The following INCENP variants were observed in gnomAD, a reference collection of about 807,000 sequenced individuals.
INCENP encodes the protein inner centromere protein, also known as binds and activates aurora-B and -C in vivo and in vitro.
INCENP carries 43 observed loss-of-function variants against 107.3 expected under a neutral mutation model. The ratio of observed to expected loss-of-function variants is 0.40; its 90% CI spans 0.31 to 0.52. The LOEUF (loss-of-function observed/expected upper bound fraction) is 0.52, where lower values mean the gene tolerates loss of function less well. INCENP is among the 20% of genes least tolerant of loss of function. The pLI, the probability that INCENP is intolerant of heterozygous loss-of-function variation, is 0.53. For missense variants in INCENP, 1,089 were observed against 1,250.9 expected, an observed-to-expected ratio of 0.87 and a Z score of 1.95; for synonymous variants, 488 against 494.4, an observed-to-expected ratio of 0.99 and a Z score of 0.17.
At position 62,130,331 on chromosome 11, in the gene INCENP, C is replaced by T. The variant is rs572282683; in HGVS notation, c.804C>T (p.Asp268=). The T allele has an allele frequency of 1.7e-5, 27 of 1,611,654 alleles. No individual in the cohort carries two copies. The highest frequency in any genetic ancestry group is 2.2e-5 in the Non-Finnish European group (26 of 1,179,940). ...RIAQVSPGPR[D]SPAFPDSPWR... is the part of the protein sequence containing the mutation. ...CGCAGGTCTCCCCTGGCCCACGGGACTCGCCAGCCTTTCCAGATTCTCCAT... is the reference window on the plus strand; with the variant it reads ...CGCAGGTCTCCCCTGGCCCACGGGATTCGCCAGCCTTTCCAGATTCTCCAT... Residue 268 remains aspartate (D), a synonymous_variant, in exon 4 of 19, where the codon GAC becomes GAT. Coordinates refer to ENST00000394818, the MANE Select transcript of INCENP (RefSeq NM_001040694.2).
At chr11:62,139,052 G>A (rs775088568) in intron 7 of INCENP, 47 bp downstream of exon 7, 6 of 1,365,182 alleles carry the variant, frequency 4.4e-6, no homozygotes, top group South Asian at 2.3e-5. Context: ...GCCACAGCGG[G>A]CCTTGGCGGC....
intron 11 of INCENP, 159 bp from the exon 12 acceptor site, chr11:62,144,823 G>A (rs1265115630): frequency 6.4e-6 from 5 of 783,050 alleles, no homozygotes; most frequent in Non-Finnish European, 1.1e-5. Flanking sequence ...CTTGGCTTGG[G>A]TGCTGTTGGG....
chr11:62,142,721 C>G (rs1165457929), intron 11 of INCENP, among the ~76,000 whole-genome samples: 1 of 152,170 alleles, frequency 6.6e-6, no homozygotes, highest in Non-Finnish European at 1.5e-5. Flanking sequence ...ATGTTAGTCC[C>G]GATTTTGAAG....
At position 62,150,089 on chromosome 11, in the gene INCENP, G is replaced by T. The variant is rs781137679; in HGVS notation, c.2424G>T (p.Pro808=). Residue 808 remains proline, a synonymous_variant, in exon 18 of 19, where the codon CCG becomes CCT. Coordinates refer to ENST00000394818, the MANE Select transcript of INCENP (RefSeq NM_001040694.2). ...SPACTSYQMT[P]QGHRAPPKIN... Reference sequence around the variant, plus strand: ...CTTGTACCTCATATCAGATGACTCCGCAAGGGCACAGGGCCCCTCCCAAGA... The same window carrying T: ...CTTGTACCTCATATCAGATGACTCCTCAAGGGCACAGGGCCCCTCCCAAGA... 11 of 1,613,988 alleles carry T rather than the reference G, an allele frequency of 6.8e-6. No individual in the cohort carries two copies. In the South Asian group the frequency reaches 7.7e-5, roughly 11 times the overall value.
intron 4 of INCENP, among the ~76,000 whole-genome samples, chr11:62,131,572 C>T (rs1335859039): frequency 3.3e-5 from 5 of 152,102 alleles, no homozygotes; most frequent in African/African-American, 4.8e-5. Flanking sequence ...ACAGCTTGTA[C>T]GAAGACCCTG....
intron 10 of INCENP, 109 bp downstream of exon 10, chr11:62,141,153 G>A: frequency 1.4e-6 from 2 of 1,434,708 alleles, no homozygotes; most frequent in Non-Finnish European, 1.9e-6. Flanking sequence ...GCGGAGGCAA[G>A]TGTGGCCTGG....
At chr11:62,145,957 T>A (rs562680991) in intron 14 of INCENP, among the ~76,000 whole-genome samples, 12 of 152,316 alleles carry the variant, frequency 7.9e-5, no homozygotes, top group South Asian at 2.1e-4. Flanking sequence ...AATTTGAGGG[T>A]TAAGTGCTTG....
In INCENP at chr11:62,130,271, C is replaced by T. The variant is rs779990115; in HGVS notation, c.744C>T (p.Val248=). 29 of 1,612,690 alleles carry T rather than the reference C, an allele frequency of 1.8e-5. No individual in the cohort carries two copies. The highest frequency in any genetic ancestry group is 5.5e-5 in the South Asian group (5 of 91,088). ...CCCAGGACCCCAAGGGTCAAGGGGT[C>T]GGGACGGGGCGGTCTGCGTCTAAGC... ...ATPQDPKGQG[V]GTGRSASKLR... Residue 248 remains valine (V), a synonymous_variant, in exon 4 of 19, where the codon GTC becomes GTT. Coordinates refer to ENST00000394818, the MANE Select transcript of INCENP (RefSeq NM_001040694.2).
intron 1 of INCENP, 125 bp from the exon 2 acceptor site, chr11:62,128,026 G>A (rs1258850914): frequency 1.4e-5 from 12 of 846,570 alleles, no homozygotes; most frequent in Non-Finnish European, 2.3e-5. Context: ...GAGCAGAGAG[G>A]GGCCCTGGTT....
chr11:62,130,233 C>T lies in INCENP; in HGVS notation c.706C>T (p.Leu236=). Residue 236 remains leucine (L), a synonymous_variant, in exon 4 of 19, where the codon CTG becomes TTG. Coordinates refer to ENST00000394818, the MANE Select transcript of INCENP (RefSeq NM_001040694.2). ...RILESITVSS[L]MATPQDPKGQ... ...ACTGGAGTCCATCACAGTGAGCTCC[C>T]TGATGGCTACACCCCAGGACCCCAA... 1.9e-6 allele frequency: 3 copies of T among 1,613,818 alleles called. No individual in the cohort carries two copies. Among genetic ancestry groups the T allele is most frequent in the Non-Finnish European group, 1.7e-6 (2 of 1,179,998 alleles).
intron 14 of INCENP, 150 bp from the exon 15 acceptor site, chr11:62,146,508 C>T (rs1944245450): frequency 1.7e-5 from 21 of 1,221,088 alleles, no homozygotes; most frequent in Non-Finnish European, 2.4e-5. Flanking sequence ...TCTGGCAGAG[C>T]CTTGCTCGGG....
rs1943799236 is a variant in INCENP, at chr11:62,128,231, T to C, written c.70T>C (p.Cys24Arg). The change falls in exon 2 of 19, where the codon TGC (cysteine) becomes CGC (arginine). Residue 24 changes from cysteine to arginine, a missense_variant. Transcript: ENST00000394818. ...LCDQKLMEFL[C>R]NMDNKDLVWL... Reference sequence around the variant, plus strand: ...TGACCAGAAGCTCATGGAGTTTCTCTGCAACATGGATAATAAGGACTTGGT... The same window carrying C: ...TGACCAGAAGCTCATGGAGTTTCTCCGCAACATGGATAATAAGGACTTGGT... 6.2e-7 allele frequency: 1 copy of C among 1,614,038 alleles called. No homozygotes were observed. The highest frequency in any genetic ancestry group is 1.1e-5 in the South Asian group (1 of 91,092).
intron 11 of INCENP, 65 bp downstream of exon 11, chr11:62,141,576 C>G: frequency 6.3e-7 from 1 of 1,588,702 alleles, no homozygotes; most frequent in Non-Finnish European, 8.6e-7. Context: ...GTAGCCCCTT[C>G]CCTGCGTAGC....
intron 4 of INCENP, among the ~76,000 whole-genome samples, chr11:62,133,271 A>T (rs976266282): frequency 2.0e-5 from 3 of 151,992 alleles, no homozygotes; most frequent in African/African-American, 4.8e-5. Context: ...TAAATTCGGG[A>T]TGGGAAGGAA....
chr11:62,150,153 G>T lies in INCENP; in HGVS notation c.2488G>T (p.Asp830Tyr). The T allele has an allele frequency of 6.2e-7, 1 of 1,614,004 alleles. No individual in the cohort carries two copies. Among genetic ancestry groups the T allele is most frequent in the Non-Finnish European group, 8.5e-7 (1 of 1,180,004 alleles). ...CTACGGGATGGATCTGAATAGCGACGACTCCACCGATGATGAGGCCCATCC... is the reference window on the plus strand; with the variant it reads ...CTACGGGATGGATCTGAATAGCGACTACTCCACCGATGATGAGGCCCATCC... Reference protein sequence around the residue: ...DNYGMDLNSDDSTDDEAHPRK... With the variant: ...DNYGMDLNSDYSTDDEAHPRK... Residue 830 changes from aspartate (D) to tyrosine (Y), a missense_variant, in exon 18 of 19, where the codon GAC (aspartate) becomes TAC (tyrosine). Asp to Tyr is a radical substitution (Grantham distance 160). Transcript: ENST00000394818.
In INCENP at chr11:62,145,238, G is replaced by A. The variant is rs763723181; in HGVS notation, c.1785G>A (p.Lys595=). 10 of 1,614,116 alleles carry A rather than the reference G, an allele frequency of 6.2e-6. No individual in the cohort carries two copies. In the East Asian group the frequency reaches 1.3e-4, roughly 22 times the overall value. Residue 595 remains lysine (K), a synonymous_variant, in exon 13 of 19, where the codon AAG becomes AAA. Coordinates refer to ENST00000394818, the MANE Select transcript of INCENP (RefSeq NM_001040694.2). ...RERVEQMKEE[K]KKQIEQKFAQ... ...GGGTGGAGCAGATGAAGGAGGAGAA[G>A]AAGAAGCAGATTGAGCAGAAGTTTG...
chr11:62,138,000 G>A (rs918352813), intron 5 of INCENP, 117 bp downstream of exon 5: 10 of 911,282 alleles, frequency 1.1e-5, no homozygotes, highest in African/African-American at 4.9e-5. Flanking sequence ...AGCCTTGACC[G>A]CCCAGGAGCT....
At position 62,148,695 on chromosome 11, in the gene INCENP, C is replaced by T. The variant is rs1476028340; in HGVS notation, c.2284-44C>T. 14 of 1,486,512 alleles carry T rather than the reference C, an allele frequency of 9.4e-6. No homozygotes were observed. The South Asian group carries it at 1.5e-4, about 16-fold the overall frequency. 92.1% of individuals were successfully genotyped at this position (1,486,512 alleles called of 1,614,324 possible). ...GAGGGAAGGGGAGGGGAGGGAAGGG[C>T]ACCTGCACAGCTCCCTAACACCCCA... On this transcript the variant is annotated intron_variant, in intron 16 of 18. Coordinates refer to ENST00000394818, the MANE Select transcript of INCENP (RefSeq NM_001040694.2).
At chr11:62,141,736 A>G (rs914785087) in intron 11 of INCENP, 4 of 630,946 alleles carry the variant, frequency 6.3e-6, no homozygotes, top group Non-Finnish European at 1.1e-5. Context: ...CTCTGCTCTT[A>G]GGAGGAAGCA....
Sources: gnomAD v4.1 joint callset for allele counts (sites outside exome capture counted in the v4.1 genomes callset) on GRCh38, gnomAD v4.1.1 for gene constraint, MANE v1.5 for transcripts, NCBI Gene and HGNC (gene_info 2026-07-23, HGNC 2026-07-21) for gene names.